Variants in GRIP1 observed in about 807,000 individuals in gnomAD.
The protein encoded by GRIP1 is glutamate receptor-interacting protein 1.
Under a neutral mutation model 129.9 loss-of-function variants are expected in GRIP1, and 45 were observed. The ratio of observed to expected loss-of-function variants is 0.35; its 90% CI spans 0.27 to 0.44. The LOEUF is 0.44. GRIP1 is among the 20% of genes least tolerant of loss of function. The pLI, the probability that GRIP1 is intolerant of heterozygous loss-of-function variation, is 1.00. For synonymous variants in GRIP1, 530 were observed against 520.8 expected, an observed-to-expected ratio of 1.02 and a Z score of -0.24; for missense variants, 1,196 against 1,396.8, an observed-to-expected ratio of 0.86 and a Z score of 2.29.
chr12:66,651,787 AT>A (rs2032813319), intron 1 of GRIP1, among the ~76,000 whole-genome samples: 1 of 151,950 alleles, frequency 6.6e-6, no homozygotes, highest in African/African-American at 2.4e-5. Context: ...GCATTTACTC[AT>A]TTTTTTCTAA....
At chr12:67,022,614 T>C (rs916070066) in intron 1 of GRIP1, among the ~76,000 whole-genome samples, 1 of 152,222 alleles carries the variant, frequency 6.6e-6, no homozygotes, top group East Asian at 1.9e-4. Context: ...GTCAATCATT[T>C]TAATTTTAAC....
intron 1 of GRIP1, among the ~76,000 whole-genome samples, chr12:66,730,130 G>T (rs1004605297): frequency 4.6e-5 from 7 of 152,144 alleles, no homozygotes; most frequent in Middle Eastern, 3.2e-3. Flanking sequence ...GCTGTAAAAT[G>T]ACTGAACTAT....
At position 66,543,946 on chromosome 12, in the gene GRIP1, C is replaced by T. The variant is rs1483696964; in HGVS notation, c.137-1996G>A. Among the ~76,000 whole-genome samples, 3 of 152,182 alleles carry T rather than the reference C, an allele frequency of 2.0e-5. No homozygotes were observed. In the East Asian group the frequency reaches 5.8e-4, roughly 29 times the overall value. On this transcript the variant is annotated intron_variant, in intron 2 of 24. Transcript: ENST00000359742. ...CACCAGGCATGTGAGAAGTAAGTTT[C>T]TATTCATAAAAATTTTCCTTCTACT...
intron 1 of GRIP1, among the ~76,000 whole-genome samples, chr12:66,821,999 C>A (rs1423697633): frequency 1.8e-5 from 2 of 110,956 alleles, no homozygotes; most frequent in Non-Finnish European, 4.6e-5. Flanking sequence ...CCACTTCCAT[C>A]TTGTGTGTGT....
At chr12:67,053,442 T>TA (rs2043380036) in intron 1 of GRIP1, among the ~76,000 whole-genome samples, 1 of 152,196 alleles carries the variant, frequency 6.6e-6, no homozygotes, top group Non-Finnish European at 1.5e-5. Flanking sequence ...CAAATAAGAT[T>TA]ATGACACGAT....
Position 66,937,756 on chromosome 12 carries a change from C to T in GRIP1, c.58+131294G>A, listed in dbSNP as rs74098156. On this transcript the variant is annotated intron_variant, in intron 1 of 1. Coordinates refer to the GRIP1 transcript ENST00000643019. The stretch of plus-strand genomic sequence containing the variant: ...AATCTCTCAATAGATATTAGAGTTT[C>T]CAAAGATGATAGCAGAGAAAGGGGC... Among the ~76,000 whole-genome samples, 474 of 152,070 alleles carry T rather than the reference C, an allele frequency of 3.1e-3. 4 individuals carry two copies. Among genetic ancestry groups the T allele is most frequent in the African/African-American group, 0.01 (434 of 41,460 alleles).
chr12:66,603,701 G>A (rs950223013), intron 1 of GRIP1, among the ~76,000 whole-genome samples: 16 of 152,190 alleles, frequency 1.1e-4, no homozygotes, highest in African/African-American at 3.9e-4. Context: ...AGTATCCCCA[G>A]GCCTGCAATG....
At chr12:66,922,986 G>C (rs1412453400) in intron 1 of GRIP1, among the ~76,000 whole-genome samples, 3 of 152,104 alleles carry the variant, frequency 2.0e-5, no homozygotes, top group Non-Finnish European at 2.9e-5. Context: ...ATATATGATT[G>C]AGCCCATGCT....
chr12:67,050,408 T>C (rs1359965870), intron 1 of GRIP1, among the ~76,000 whole-genome samples: 3 of 152,198 alleles, frequency 2.0e-5, no homozygotes, highest in Non-Finnish European at 4.4e-5. Flanking sequence ...CTGTAATTCA[T>C]TGTTTAAGGG....
intron 1 of GRIP1, among the ~76,000 whole-genome samples, chr12:66,732,900 A>C (rs1292475688): frequency 6.6e-6 from 1 of 152,234 alleles, no homozygotes; most frequent in East Asian, 1.9e-4. Flanking sequence ...AAGGATACTT[A>C]AATAACAGAA....
rs147885882 is a variant in GRIP1 at position 66,670,623 on chromosome 12, G to A, written c.55+8227C>T. 2.6e-3 allele frequency among the ~76,000 whole-genome samples: 392 copies of A among 152,262 alleles called. 2 individuals carry two copies. Among genetic ancestry groups the A allele is most frequent in the Middle Eastern group, 0.01 (3 of 294 alleles). ...CACCAAAATGTATACACACAAATGC[G>A]TTATAACCTGTATCAGGCCTCTTTT... On this transcript the variant is annotated intron_variant, in intron 1 of 24. Coordinates refer to ENST00000359742, the MANE Select transcript of GRIP1 (RefSeq NM_001366722.1).
chr12:66,575,116 C>T (rs1156552070), intron 2 of GRIP1, among the ~76,000 whole-genome samples: 1 of 152,142 alleles, frequency 6.6e-6, no homozygotes, highest in Non-Finnish European at 1.5e-5. Context: ...GGAGAGGTCC[C>T]TTCCTATTCC....
intron 1 of GRIP1, among the ~76,000 whole-genome samples, chr12:66,852,058 A>G (rs1370758036): frequency 1.3e-5 from 2 of 152,062 alleles, no homozygotes; most frequent in Non-Finnish European, 2.9e-5. Context: ...CAATTAAAAA[A>G]TCCAATTGAA....
At chr12:66,734,149 T>A (rs532748661) in intron 1 of GRIP1, among the ~76,000 whole-genome samples, 8 of 152,180 alleles carry the variant, frequency 5.3e-5, no homozygotes, top group Non-Finnish European at 1.2e-4. Flanking sequence ...AAATTCCTAT[T>A]TTAATTACAG....
intron 1 of GRIP1, among the ~76,000 whole-genome samples, chr12:66,968,109 C>T (rs537940298): frequency 3.3e-5 from 5 of 152,168 alleles, no homozygotes; most frequent in African/African-American, 1.2e-4. Context: ...CAGTTTTTGC[C>T]TCATGTATTC....
In GRIP1 at chr12:66,372,464, T is replaced by C. The variant is rs369387488; in HGVS notation, c.2779-537A>G. ...GCTTCGTCTAGACTGTATATTGTCT[T>C]TCCTTTGGCCAAGTGGCCTGTCCCC... On this transcript the variant is annotated intron_variant, in intron 22 of 24. Transcript: ENST00000359742. 101 of 167,114 alleles carry C rather than the reference T, an allele frequency of 6.0e-4. 2 individuals are homozygous for C. The South Asian group carries it at 0.015, about 24-fold the overall frequency. The allele number at this position is 167,114 out of a possible 1,614,324, so 10.4% of individuals were successfully genotyped here.
At chr12:66,823,886 T>A (rs1198349256) in intron 1 of GRIP1, among the ~76,000 whole-genome samples, 1 of 152,144 alleles carries the variant, frequency 6.6e-6, no homozygotes, top group Non-Finnish European at 1.5e-5. Context: ...TCTTATCAAT[T>A]GAACAAGATG....
At chr12:66,819,683 A>T (rs1041166292) in intron 1 of GRIP1, among the ~76,000 whole-genome samples, 1 of 152,240 alleles carries the variant, frequency 6.6e-6, no homozygotes, top group Non-Finnish European at 1.5e-5. Flanking sequence ...TCAAACTAAG[A>T]GTTCCAGTTT....
intron 23 of GRIP1, among the ~76,000 whole-genome samples, chr12:66,369,652 G>A (rs2055370136): frequency 1.3e-5 from 2 of 152,082 alleles, no homozygotes; most frequent in South Asian, 4.1e-4. Context: ...TCTCTTTGGG[G>A]TGAAGGAAGG....
Sources: allele counts gnomAD v4.1 joint callset (sites outside exome capture counted in the v4.1 genomes callset), GRCh38; gene constraint gnomAD v4.1.1; transcripts MANE v1.5; gene names NCBI Gene and HGNC (gene_info 2026-07-23, HGNC 2026-07-21).